Variants in MOV10L1 observed in about 807,000 individuals in gnomAD.
MOV10L1 encodes RNA helicase Mov10l1.
A neutral mutation model predicts 143.8 loss-of-function variants in MOV10L1; 110 were observed. The ratio of observed to expected loss-of-function variants is 0.76; its 90% CI spans 0.66 to 0.90. MOV10L1 has a LOEUF of 0.90. MOV10L1 is among the 40% of genes least tolerant of loss of function. The probability of loss-of-function intolerance (pLI) is 0.00; values close to 1 mark genes in which losing one functional copy is unlikely to be tolerated. For missense variants in MOV10L1, 1,406 were observed against 1,526.8 expected, an observed-to-expected ratio of 0.92 and a Z score of 1.32; for synonymous variants, 593 against 581.1, an observed-to-expected ratio of 1.02 and a Z score of -0.29.
chr22:50,118,544 CAG>C (rs2062245858), intron 9 of MOV10L1, among the ~76,000 whole-genome samples: 1 of 152,158 alleles, frequency 6.6e-6, no homozygotes, highest in Non-Finnish European at 1.5e-5. Flanking sequence ...CCCAAGGAGA[CAG>C]GAGTCAAGCT....
At chr22:50,157,270 TC>T (rs35033752) in intron 22 of MOV10L1, among the ~76,000 whole-genome samples, 19,484 of 152,080 alleles carry the variant, frequency 0.13, 1,506 homozygotes, top group Admixed American at 0.21. Context: ...AAAGGTTTTC[TC>T]CCCCCTCCGC....
intron 18 of MOV10L1, 106 bp downstream of exon 18, chr22:50,144,349 C>T (rs1201310881): frequency 4.2e-5 from 57 of 1,355,274 alleles, no homozygotes; most frequent in South Asian, 3.7e-4. Flanking sequence ...GGCACAGAGG[C>T]GCCACAGAAA....
intron 3 of MOV10L1, among the ~76,000 whole-genome samples, chr22:50,101,423 G>A (rs1477314545): frequency 1.3e-5 from 2 of 151,704 alleles, no homozygotes; most frequent in African/African-American, 4.8e-5. Flanking sequence ...CAATGTGTTA[G>A]CCAGGATGGT....
At chr22:50,132,524 G>T (rs9617095) in intron 13 of MOV10L1, among the ~76,000 whole-genome samples, 34,180 of 135,790 alleles carry the variant, frequency 0.25, 4,202 homozygotes, top group Admixed American at 0.39. Flanking sequence ...AGGTCTTATA[G>T]ATCTTTTGTC....
rs35192766 is a variant in MOV10L1, at chr22:50,131,722, GAA to G, written c.1911-2273_1911-2272del. The stretch of plus-strand genomic sequence containing the variant: ...CAATGAATTACTATTGTACCTTTGT[GAA>G]AAAAAAAAAAAGAAAATCAGTTGAC... On this transcript the variant is annotated intron_variant, in intron 13 of 26. Coordinates refer to ENST00000262794, the MANE Select transcript of MOV10L1 (RefSeq NM_018995.3). 1.3e-4 allele frequency among the ~76,000 whole-genome samples: 17 copies of G among 131,304 alleles called. No individual in the cohort carries two copies. The East Asian group carries it at 2.7e-3, about 21-fold the overall frequency. 86.1% of individuals were successfully genotyped at this position (131,304 alleles called of 152,430 possible). A position where few individuals can be genotyped will look rare whatever the true frequency, so the allele number is the denominator to read the frequency against.
chr22:50,143,617 C>T (rs732449), intron 17 of MOV10L1, among the ~76,000 whole-genome samples: 34,584 of 152,058 alleles, frequency 0.23, 4,297 homozygotes, highest in Admixed American at 0.35. Flanking sequence ...AATAACCCAT[C>T]GTAATGGGAT....
At chr22:50,127,584 G>A (rs1253158604) in intron 12 of MOV10L1, among the ~76,000 whole-genome samples, 1 of 152,158 alleles carries the variant, frequency 6.6e-6, no homozygotes, top group Non-Finnish European at 1.5e-5. Context: ...TGACCCTCAG[G>A]AAACTCACCC....
At chr22:50,126,397 C>G in intron 12 of MOV10L1, 125 bp downstream of exon 12, 1 of 572,782 alleles carries the variant, frequency 1.7e-6, no homozygotes, top group Non-Finnish European at 3.1e-6. Flanking sequence ...TGGAAAATGT[C>G]AAGATACAGT....
Position 50,110,397 on chromosome 22 carries a change from C to T in MOV10L1, c.743+1553C>T, listed in dbSNP as rs374152054. On this transcript the variant is annotated intron_variant, in intron 5 of 26. Transcript: ENST00000262794. ...CCAGGAAGCGGAGCTTGCAGTGAGC[C>T]GAGATCGCGCCACTGCACTCCAGCC... 2.8e-4 allele frequency among the ~76,000 whole-genome samples: 42 copies of T among 149,726 alleles called. No homozygotes were observed. In the South Asian group the frequency reaches 7.0e-3, roughly 25 times the overall value.
Position 50,161,351 on chromosome 22 carries a change from T to C in MOV10L1, c.3555-17T>C. 1.3e-6 allele frequency: 2 copies of C among 1,561,944 alleles called. No individual in the cohort carries two copies. The highest frequency in any genetic ancestry group is 8.7e-7 in the Non-Finnish European group (1 of 1,153,594). The stretch of plus-strand genomic sequence containing the variant: ...GGAGCCTGGCTCACTGGCCATCCGC[T>C]TCTCCTCTGTCTACAGCTGTGGCGA... On this transcript the variant is annotated splice_polypyrimidine_tract_variant and intron_variant, in intron 26 of 26. Transcript: ENST00000262794.
chr22:50,115,410 C>A (rs191404518), intron 8 of MOV10L1, among the ~76,000 whole-genome samples, 164 bp downstream of exon 8: 2 of 151,976 alleles, frequency 1.3e-5, no homozygotes, highest in Non-Finnish European at 2.9e-5. Flanking sequence ...ACTAAAAATA[C>A]AAAAATTACT....
intron 15 of MOV10L1, among the ~76,000 whole-genome samples, chr22:50,138,818 C>T (rs1477011108): frequency 6.6e-6 from 1 of 152,094 alleles, no homozygotes; most frequent in African/African-American, 2.4e-5. Flanking sequence ...GTTCTCCTGC[C>T]TCGGCCTCCT....
chr22:50,120,456 C>A, intron 9 of MOV10L1, 46 bp from the exon 10 acceptor site: 1 of 1,204,956 alleles, frequency 8.3e-7, no homozygotes, highest in South Asian at 1.3e-5. Context: ...CTAGTGATAC[C>A]TGGTGATAAA....
At chr22:50,156,842 CTATT>C (rs1172558382) in intron 22 of MOV10L1, among the ~76,000 whole-genome samples, 2 of 152,198 alleles carry the variant, frequency 1.3e-5, no homozygotes, top group Non-Finnish European at 2.9e-5. Context: ...GTACAGATAT[CTATT>C]TGAGACCCTG....
chr22:50,118,691 C>A (rs138228), intron 9 of MOV10L1, among the ~76,000 whole-genome samples: 73,574 of 151,932 alleles, frequency 0.48, 18,834 homozygotes, highest in Admixed American at 0.6. Flanking sequence ...GCATAGTTAC[C>A]CCTTCATGCT....
chr22:50,137,112 G>A (rs1309577745), intron 15 of MOV10L1, among the ~76,000 whole-genome samples: 1 of 152,064 alleles, frequency 6.6e-6, no homozygotes, highest in South Asian at 2.1e-4. Flanking sequence ...CACCCAGCAA[G>A]GTATAAAATG....
At chr22:50,136,229 C>A (rs900874553) in intron 15 of MOV10L1, among the ~76,000 whole-genome samples, 1 of 152,036 alleles carries the variant, frequency 6.6e-6, no homozygotes, top group African/African-American at 2.4e-5. Context: ...CACCTCATTA[C>A]TGGTTCATTC....
At chr22:50,112,359 G>A (rs768049782) in intron 5 of MOV10L1, among the ~76,000 whole-genome samples, 2 of 152,164 alleles carry the variant, frequency 1.3e-5, no homozygotes, top group Non-Finnish European at 2.9e-5. Context: ...TGTCTGAGTC[G>A]GACTCCTCAG....
In MOV10L1 at chr22:50,125,575, T is replaced by A. The variant is rs780001579; in HGVS notation, c.1747+6T>A. ...GAGGCCTTCTCTCTACGCAGGTGTG[T>A]TTGTTACTCATATGCTTCCCTGGGT... On this transcript the variant is annotated splice_donor_region_variant and intron_variant, in intron 11 of 26. Coordinates refer to ENST00000262794, the MANE Select transcript of MOV10L1 (RefSeq NM_018995.3). 1.9e-6 allele frequency: 3 copies of A among 1,612,992 alleles called. No individual in the cohort carries two copies. In the African/African-American group the frequency reaches 4.0e-5, roughly 22 times the overall value.
Sources: gnomAD v4.1 joint callset for allele counts (sites outside exome capture counted in the v4.1 genomes callset) on GRCh38, gnomAD v4.1.1 for gene constraint, MANE v1.5 for transcripts, NCBI Gene and HGNC (gene_info 2026-07-23, HGNC 2026-07-21) for gene names.